FRYL: variants seen among roughly 807,000 people sequenced by gnomAD.
FRYL encodes FRY like transcription coactivator, also known as protein furry homolog-like.
A neutral mutation model predicts 351.2 loss-of-function variants in FRYL; 150 were observed. The ratio of observed to expected loss-of-function variants is 0.43; its 90% CI spans 0.37 to 0.49. The LOEUF (loss-of-function observed/expected upper bound fraction) is 0.49, where lower values mean the gene tolerates loss of function less well. FRYL is among the 20% of genes least tolerant of loss of function. The probability of loss-of-function intolerance (pLI) is 0.00; values close to 1 mark genes in which losing one functional copy is unlikely to be tolerated. For missense variants in FRYL, 3,036 were observed against 3,619.3 expected (o/e 0.84, Z 4.13); for synonymous variants, 1,153 against 1,257.1 (o/e 0.92, Z 1.75).
intron 41 of FRYL, among the ~76,000 whole-genome samples, chr4:48,546,989 G>C (rs1283120422): frequency 4.6e-5 from 7 of 151,526 alleles, no homozygotes. Context: ...AAAAAAAAAA[G>C]GTAATTTTAT....
At chr4:48,692,469 G>A (rs1363404424) in intron 2 of FRYL, among the ~76,000 whole-genome samples, 1 of 151,566 alleles carries the variant, frequency 6.6e-6, no homozygotes, top group African/African-American at 2.4e-5. Context: ...CTCAGTTCAC[G>A]GCAACCTCCA....
chr4:48,753,552 T>C (rs1773469813), intron 1 of FRYL, among the ~76,000 whole-genome samples: 2 of 152,192 alleles, frequency 1.3e-5, no homozygotes, highest in Non-Finnish European at 1.5e-5. Context: ...AAGTCCCTTA[T>C]TAGATATGAT....
chr4:48,588,190 T>C (rs1312307668), intron 18 of FRYL, among the ~76,000 whole-genome samples: 1 of 152,184 alleles, frequency 6.6e-6, no homozygotes, highest in Non-Finnish European at 1.5e-5. Flanking sequence ...ATAACCCACA[T>C]GACATTTTAC....
At chr4:48,610,580 G>A (rs1441832313) in intron 7 of FRYL, among the ~76,000 whole-genome samples, 1 of 147,918 alleles carries the variant, frequency 6.8e-6, no homozygotes, top group Non-Finnish European at 1.5e-5. Flanking sequence ...AATTTGATAT[G>A]TATATATAAA....
Position 48,645,154 on chromosome 4 carries a change from A to ATATATATATATATATATATATATATC in FRYL, c.-80-10665_-80-10664insGATATATATATATATATATATATATA, listed in dbSNP as rs1373290711. 8.3e-4 allele frequency among the ~76,000 whole-genome samples: 102 copies of ATATATATATATATATATATATATATC among 122,916 alleles called. 2 individuals are homozygous for ATATATATATATATATATATATATATC. The highest frequency in any genetic ancestry group is 1.2e-3 in the Admixed American group (14 of 11,342). 80.6% of individuals were successfully genotyped at this position (122,916 alleles called of 152,430 possible). On this transcript the variant is annotated intron_variant, in intron 3 of 63. Coordinates refer to ENST00000358350, the MANE Select transcript of FRYL (RefSeq NM_015030.2). ...TATATATATATATATATATATATATATCAGACTGGCAAATACTAAAAAGAA... is the reference window on the plus strand; with the variant it reads ...TATATATATATATATATATATATATATATATATATATATATATATATATATCTCAGACTGGCAAATACTAAAAAGAA...
intron 19 of FRYL, among the ~76,000 whole-genome samples, chr4:48,586,363 C>G (rs1257432396): frequency 6.6e-6 from 1 of 151,370 alleles, no homozygotes; most frequent in South Asian, 2.1e-4. Flanking sequence ...GGAAAGAATA[C>G]TAGATGGAAA....
At chr4:48,734,270 TAGAC>T (rs1432487962) in intron 1 of FRYL, among the ~76,000 whole-genome samples, 2 of 152,204 alleles carry the variant, frequency 1.3e-5, no homozygotes, top group Non-Finnish European at 2.9e-5. Flanking sequence ...ATATTAATTT[TAGAC>T]AGAGCAGACT....
chr4:48,521,083 C>T lies in FRYL; in HGVS notation c.7654G>A (p.Ala2552Thr). Residue 2552 changes from alanine (A) to threonine (T), a missense_variant, in exon 55 of 64, where the codon GCT (alanine) becomes ACT (threonine). Around this residue, in one of 7 missense-constraint regions of FRYL, gnomAD observed 1,987 missense variants for 2,311.7 expected, o/e 0.86. Coordinates refer to ENST00000358350, the MANE Select transcript of FRYL (RefSeq NM_015030.2). ...CGGCTGTTAGCATTATCTAGAGAAGCCTCCAAAGTTGGGGTCTCATCCCTG... is the reference window on the plus strand; with the variant it reads ...CGGCTGTTAGCATTATCTAGAGAAGTCTCCAAAGTTGGGGTCTCATCCCTG... The part of the protein sequence containing the change: ...QIRDETPTLE[A>T]SLDNANSRLP... 2 of 1,613,222 alleles carry T rather than the reference C, an allele frequency of 1.2e-6. No individual in the cohort carries two copies. The highest frequency in any genetic ancestry group is 1.7e-4 in the Middle Eastern group (1 of 6,042).
At chr4:48,743,184 T>C (rs1000276892) in intron 1 of FRYL, among the ~76,000 whole-genome samples, 6 of 151,936 alleles carry the variant, frequency 3.9e-5, no homozygotes, top group African/African-American at 4.8e-5. Context: ...TAATCTATTA[T>C]GTAATCAAAG....
intron 7 of FRYL, among the ~76,000 whole-genome samples, chr4:48,611,868 G>C (rs1016237450): frequency 6.6e-6 from 1 of 152,090 alleles, no homozygotes; most frequent in Non-Finnish European, 1.5e-5. Flanking sequence ...ATACCTACTT[G>C]ATGGGAAAAA....
intron 1 of FRYL, among the ~76,000 whole-genome samples, chr4:48,770,920 T>C (rs907456364): frequency 6.6e-6 from 1 of 152,174 alleles, no homozygotes; most frequent in Non-Finnish European, 1.5e-5. Flanking sequence ...GGAAGAACAT[T>C]AGAACAGGAA....
rs562718983 is a variant in FRYL at position 48,728,002 on chromosome 4, T to C, written c.-383-17304A>G. ...AGACTGAGATCTAATCAGAGGACTATAGAAGACCTCCCCTTCCTCCACACC... is the reference window on the plus strand; with the variant it reads ...AGACTGAGATCTAATCAGAGGACTACAGAAGACCTCCCCTTCCTCCACACC... On this transcript the variant is annotated intron_variant, in intron 1 of 63. Coordinates refer to ENST00000358350, the MANE Select transcript of FRYL (RefSeq NM_015030.2). Among the ~76,000 whole-genome samples, 7 of 152,254 alleles carry C rather than the reference T, an allele frequency of 4.6e-5. 1 individual carries two copies. The highest frequency in any genetic ancestry group is 1.4e-4 in the African/African-American group (6 of 41,546).
chr4:48,613,128 T>C (rs1253631368), intron 7 of FRYL, among the ~76,000 whole-genome samples: 1 of 152,198 alleles, frequency 6.6e-6, no homozygotes, highest in Non-Finnish European at 1.5e-5. Context: ...CACAAAATGT[T>C]GTTTGTTTCA....
chr4:48,587,230 CTGTA>C (rs922854009), intron 18 of FRYL, among the ~76,000 whole-genome samples: 1 of 151,972 alleles, frequency 6.6e-6, no homozygotes, highest in African/African-American at 2.4e-5. Flanking sequence ...TGTTCTTGTC[CTGTA>C]TGTGACACAC....
At chr4:48,740,718 T>C (rs1242469034) in intron 1 of FRYL, among the ~76,000 whole-genome samples, 2 of 151,988 alleles carry the variant, frequency 1.3e-5, no homozygotes. Context: ...CACAATGAAA[T>C]ACCACTACCC....
At chr4:48,540,996 A>C in intron 45 of FRYL, 36 bp from the exon 46 acceptor site, 1 of 1,454,422 alleles carries the variant, frequency 6.9e-7, no homozygotes, top group Non-Finnish European at 9.1e-7. Flanking sequence ...ATGCATACCC[A>C]GTCACTTCTT....
intron 16 of FRYL, 134 bp downstream of exon 16, chr4:48,593,796 T>C (rs1283207491): frequency 6.4e-5 from 30 of 471,514 alleles, no homozygotes; most frequent in Non-Finnish European, 1.1e-4. Flanking sequence ...TTAGAAAGGT[T>C]AAGTAACTTG....
chr4:48,698,376 TG>T (rs1359712481), intron 2 of FRYL, among the ~76,000 whole-genome samples: 1 of 152,234 alleles, frequency 6.6e-6, no homozygotes, highest in African/African-American at 2.4e-5. Context: ...ATAAACAAGA[TG>T]TTTTTCCTGT....
Position 48,592,082 on chromosome 4 carries a change from T to TTATATATATA in FRYL, c.1336-1262_1336-1253dup, listed in dbSNP as rs56320005. ...GGAATACGGGAAGAAAATAAAGCTC[T>TTATATATATA]TATATATATATATATATATATATAT... On this transcript the variant is annotated intron_variant, in intron 16 of 63. Coordinates refer to ENST00000358350, the MANE Select transcript of FRYL (RefSeq NM_015030.2). 2.3e-3 allele frequency among the ~76,000 whole-genome samples: 269 copies of TTATATATATA among 116,108 alleles called. 5 individuals are homozygous for TTATATATATA. The highest frequency in any genetic ancestry group is 7.9e-3 in the African/African-American group (176 of 22,188). The allele number at this position is 116,108 out of a possible 152,430, so 76.2% of individuals were successfully genotyped here. A position where few individuals can be genotyped will look rare whatever the true frequency, so the allele number is the denominator to read the frequency against.
Sources: gnomAD v4.1 joint callset for allele counts (sites outside exome capture counted in the v4.1 genomes callset) on GRCh38, gnomAD v4.1.1 for gene constraint, gnomAD v4.1.1 regional missense constraint, MANE v1.5 for transcripts, NCBI Gene and HGNC (gene_info 2026-07-23, HGNC 2026-07-21) for gene names.